Variants in PSMD11 observed in about 807,000 individuals in gnomAD.
PSMD11 encodes 26S proteasome non-ATPase regulatory subunit 11.
Under a neutral mutation model 62.3 loss-of-function variants are expected in PSMD11, and 5 were observed. The observed-to-expected ratio is 0.08, with a 90% CI of 0.04 to 0.17. The LOEUF is 0.17. Among genes scored for constraint, PSMD11 ranks in the 10% least tolerant of loss-of-function variants. PSMD11 has a pLI of 1.00. For synonymous variants in PSMD11, 191 were observed against 191.8 expected (o/e 1.00, Z 0.03); for missense variants, 310 against 512.9 (o/e 0.60, Z 3.82).
chr17:32,444,665 T>C lies in PSMD11; in HGVS notation c.91+51T>C, dbSNP rs762876934. On this transcript the variant is annotated intron_variant, in intron 1 of 13. Coordinates refer to ENST00000261712, the MANE Select transcript of PSMD11 (RefSeq NM_002815.4). ...GGCCCCGCCGGCCCAGCTCGGCTTATGTCGGTCGGCGGCAGCGGAGAGGGG... is the reference window on the plus strand; with the variant it reads ...GGCCCCGCCGGCCCAGCTCGGCTTACGTCGGTCGGCGGCAGCGGAGAGGGG... The C allele has an allele frequency of 1.1e-5, 17 of 1,601,706 alleles. No individual in the cohort carries two copies. The African/African-American group carries it at 1.6e-4, about 15-fold the overall frequency.
chr17:32,457,850 G>GA (rs1464364224), intron 3 of PSMD11, among the ~76,000 whole-genome samples: 2 of 150,922 alleles, frequency 1.3e-5, no homozygotes, highest in African/African-American at 2.4e-5. Context: ...ACCCAGGCTG[G>GA]AGTGCAGTGT....
intron 8 of PSMD11, 118 bp downstream of exon 8, chr17:32,474,942 C>T (rs1328781225): frequency 2.2e-6 from 2 of 915,860 alleles, no homozygotes; most frequent in Non-Finnish European, 3.5e-6. Context: ...CCTTCTGCCC[C>T]ACTCACTTCC....
In PSMD11 at chr17:32,480,689, C is replaced by A. The variant is rs560606547; in HGVS notation, c.*58C>A. On this transcript the variant is annotated intron_variant, in intron 13 of 13. Coordinates refer to ENST00000261712, the MANE Select transcript of PSMD11 (RefSeq NM_002815.4). ...CAGCTCTGTCTTCTGCGTGTCGAGA[C>A]TGAAAACCTCCTCCTGGTGTCCTCA... The A allele has an allele frequency of 5.7e-6, 9 of 1,581,352 alleles. No individual in the cohort carries two copies. The African/African-American group carries it at 1.1e-4, about 19-fold the overall frequency.
At chr17:32,459,787 T>C (rs928443322) in intron 3 of PSMD11, among the ~76,000 whole-genome samples, 1 of 152,078 alleles carries the variant, frequency 6.6e-6, no homozygotes, top group African/African-American at 2.4e-5. Context: ...TGCCTTAGCC[T>C]CCTGAGTAGC....
chr17:32,463,928 G>C, intron 3 of PSMD11, 121 bp from the exon 4 acceptor site: 1 of 903,458 alleles, frequency 1.1e-6, no homozygotes, highest in Non-Finnish European at 1.8e-6. Context: ...CTGTGGATCA[G>C]ACACTAAATA....
At chr17:32,466,360 A>G (rs1907993256) in intron 5 of PSMD11, among the ~76,000 whole-genome samples, 1 of 152,082 alleles carries the variant, frequency 6.6e-6, no homozygotes, top group Admixed American at 6.6e-5. Flanking sequence ...GGCGATTACT[A>G]AGCTATTTGT....
chr17:32,465,828 T>G (rs1045645855), intron 5 of PSMD11, among the ~76,000 whole-genome samples: 11 of 151,910 alleles, frequency 7.2e-5, no homozygotes, highest in African/African-American at 2.4e-4. Flanking sequence ...ACAAAAAATT[T>G]GCAGGACATG....
At chr17:32,472,973 T>TA (rs1219803703) in intron 6 of PSMD11, among the ~76,000 whole-genome samples, 1 of 150,186 alleles carries the variant, frequency 6.7e-6, no homozygotes, top group Non-Finnish European at 1.5e-5. Flanking sequence ...CTGGCGAACA[T>TA]ACGGTGAAAC....
chr17:32,480,353 G>A, intron 12 of PSMD11, 136 bp from the exon 13 acceptor site: 2 of 1,448,676 alleles, frequency 1.4e-6, no homozygotes, highest in Non-Finnish European at 1.9e-6. Flanking sequence ...ATAAGCATGT[G>A]TACATGGAAT....
intron 3 of PSMD11, among the ~76,000 whole-genome samples, chr17:32,456,257 A>T (rs975724262): frequency 6.6e-6 from 1 of 152,146 alleles, no homozygotes; most frequent in Non-Finnish European, 1.5e-5. Context: ...GATAAATGTT[A>T]CTTGGAAGTT....
chr17:32,464,334 TAA>T (rs1907928237), intron 4 of PSMD11, among the ~76,000 whole-genome samples, 185 bp from the exon 5 acceptor site: 1 of 152,222 alleles, frequency 6.6e-6, no homozygotes, highest in Non-Finnish European at 1.5e-5. Flanking sequence ...AACAACATGG[TAA>T]AGTTAACAGT....
chr17:32,463,930 C>A, intron 3 of PSMD11, 119 bp from the exon 4 acceptor site: 1 of 917,414 alleles, frequency 1.1e-6, no homozygotes, highest in African/African-American at 1.6e-5. Context: ...GTGGATCAGA[C>A]ACTAAATAGA....
chr17:32,449,117 G>A (rs1171588323), intron 2 of PSMD11, among the ~76,000 whole-genome samples: 1 of 151,886 alleles, frequency 6.6e-6, no homozygotes, highest in Non-Finnish European at 1.5e-5. Flanking sequence ...AATTTTTTTT[G>A]TTGTTAGCCA....
chr17:32,480,755 T>C lies in PSMD11; in HGVS notation c.*3T>C, dbSNP rs1434746083. On this transcript the variant is annotated splice_region_variant and 3_prime_UTR_variant, in exon 14 of 14. Coordinates refer to ENST00000261712, the MANE Select transcript of PSMD11 (RefSeq NM_002815.4). ...CACTGCTCTGTCTTCTCTTGCAGAG[T>C]TGGATCTGTAGCGGTCCTTTGGAGA... The C allele has an allele frequency of 5.9e-6, 7 of 1,192,810 alleles. No homozygotes were observed. In the East Asian group the frequency reaches 1.5e-4, roughly 26 times the overall value. 73.9% of individuals were successfully genotyped at this position (1,192,810 alleles called of 1,614,324 possible).
rs1908470728 is a variant in PSMD11 at position 32,480,963 on chromosome 17, A to T, written c.*211A>T. The T allele has an allele frequency of 2.5e-5, 5 of 196,220 alleles. No individual in the cohort carries two copies. In the South Asian group the frequency reaches 7.0e-4, roughly 27 times the overall value. The allele number at this position is 196,220 out of a possible 1,614,324, so 12.2% of individuals were successfully genotyped here. A position where few individuals can be genotyped will look rare whatever the true frequency, so the allele number is the denominator to read the frequency against. On this transcript the variant is annotated 3_prime_UTR_variant, in exon 14 of 14. Coordinates refer to ENST00000261712, the MANE Select transcript of PSMD11 (RefSeq NM_002815.4). ...CAACTTGGGAGTGGGGAAATTGCTT[A>T]AAAAAAAAGAAAAAGAAAAAAAAAA...
At chr17:32,467,242 C>CTT (rs751751489) in intron 5 of PSMD11, among the ~76,000 whole-genome samples, 21 of 120,528 alleles carry the variant, frequency 1.7e-4, no homozygotes, top group Admixed American at 1.8e-4. Flanking sequence ...CATGCCCGGC[C>CTT]TTTTTTTTTT....
chr17:32,460,258 G>T (rs1907785898), intron 3 of PSMD11, among the ~76,000 whole-genome samples: 1 of 151,818 alleles, frequency 6.6e-6, no homozygotes, highest in Non-Finnish European at 1.5e-5. Context: ...ATAGGGTCTT[G>T]CTATGTTGCC....
intron 3 of PSMD11, among the ~76,000 whole-genome samples, chr17:32,459,026 T>C (rs1390818566): frequency 1.4e-5 from 2 of 147,008 alleles, no homozygotes; most frequent in Non-Finnish European, 3.0e-5. Flanking sequence ...ATCCAGGAGG[T>C]AGAGGTTCCA....
chr17:32,479,408 C>G (rs202161635), intron 10 of PSMD11, 32 bp downstream of exon 10: 13 of 1,610,016 alleles, frequency 8.1e-6, no homozygotes, highest in Non-Finnish European at 1.1e-5. Context: ...CATTTCTGGC[C>G]AGGCATTCTC....
Sources: gnomAD v4.1 joint callset for allele counts (sites outside exome capture counted in the v4.1 genomes callset) on GRCh38, gnomAD v4.1.1 for gene constraint, MANE v1.5 for transcripts, NCBI Gene and HGNC (gene_info 2026-07-23, HGNC 2026-07-21) for gene names.